HGF: variants seen among roughly 807,000 people sequenced by gnomAD.
HGF encodes the protein hepatocyte growth factor.
HGF carries 39 observed loss-of-function variants against 111.6 expected under a neutral mutation model. The ratio of observed to expected loss-of-function variants is 0.35; its 90% CI spans 0.27 to 0.46. The LOEUF is 0.46. Among genes scored for constraint, HGF ranks in the 20% least tolerant of loss-of-function variants. The pLI, the probability that HGF is intolerant of heterozygous loss-of-function variation, is 1.00. For synonymous variants in HGF, 285 were observed against 294.8 expected, an observed-to-expected ratio of 0.97 and a Z score of 0.34; for missense variants, 735 against 910.5, an observed-to-expected ratio of 0.81 and a Z score of 2.48.
chr7:81,756,905 A>G, intron 4 of HGF: 1 of 483,724 alleles, frequency 2.1e-6, no homozygotes, highest in East Asian at 3.9e-5. Flanking sequence ...CAAAGACAGG[A>G]AGAAGAATCC....
At chr7:81,754,853 C>T (rs1788682749) in intron 4 of HGF, among the ~76,000 whole-genome samples, 1 of 151,988 alleles carries the variant, frequency 6.6e-6, no homozygotes, top group South Asian at 2.1e-4. Flanking sequence ...TTTATGAGAA[C>T]CCATTACACA....
At chr7:81,749,375 T>A (rs1414169011) in intron 5 of HGF, among the ~76,000 whole-genome samples, 1 of 152,112 alleles carries the variant, frequency 6.6e-6, no homozygotes, top group Admixed American at 6.6e-5. Context: ...AGAAAATGGA[T>A]TTTGCATACC....
chr7:81,727,546 G>T (rs891754200), intron 8 of HGF, among the ~76,000 whole-genome samples: 3 of 149,426 alleles, frequency 2.0e-5, no homozygotes, highest in African/African-American at 7.5e-5. Flanking sequence ...TTATTAACTG[G>T]AATAGATGAG....
Position 81,752,218 on chromosome 7 carries a change from T to C in HGF, c.527A>G (p.Tyr176Cys), listed in dbSNP as rs2116122846. ...SYRGKDLQEN[Y>C]CRNPRGEEGG... ...TTCTTCCCCTCGAGGATTTCGACAG[T>C]AGTTTTCCTGTAGGTCTTTACCCCG... The change falls in exon 5 of 18, where the codon TAC becomes TGC. Residue 176 changes from tyrosine (Y) to cysteine (C), a missense_variant. Transcript: ENST00000222390. 6.2e-7 allele frequency: 1 copy of C among 1,613,464 alleles called. No individual in the cohort carries two copies. The highest frequency in any genetic ancestry group is 1.1e-5 in the South Asian group (1 of 91,072).
At chr7:81,729,576 A>C in intron 8 of HGF, 29 bp downstream of exon 8, 9 of 1,564,848 alleles carry the variant, frequency 5.8e-6, no homozygotes, top group Non-Finnish European at 7.9e-6. Context: ...GGCCTACTGA[A>C]ATGTATAACA....
intron 8 of HGF, among the ~76,000 whole-genome samples, chr7:81,728,218 T>C (rs1790070720): frequency 6.6e-6 from 1 of 152,240 alleles, no homozygotes; most frequent in Admixed American, 6.5e-5. Context: ...TGTTTCTTAA[T>C]ACTTATGTTT....
In HGF at chr7:81,702,900, G is replaced by A. The variant is rs1583910216; in HGVS notation, c.2011-143C>T. The A allele has an allele frequency of 3.2e-5, 23 of 717,574 alleles. No homozygotes were observed. In the East Asian group the frequency reaches 5.4e-4, roughly 17 times the overall value. The allele number at this position is 717,574 out of a possible 1,614,324, so 44.5% of individuals were successfully genotyped here. The stretch of plus-strand genomic sequence containing the variant: ...CTGAAATATGAAGATATAAAAATTA[G>A]TGTACTAGACATTTGTTGACTTTCT... On this transcript the variant is annotated intron_variant, in intron 17 of 17. Transcript: ENST00000222390.
chr7:81,709,527 T>C (rs1789517427), intron 13 of HGF, among the ~76,000 whole-genome samples: 1 of 152,168 alleles, frequency 6.6e-6, no homozygotes, highest in South Asian at 2.1e-4. Context: ...TCTCTAACAA[T>C]ATGATTTGCA....
At chr7:81,737,674 G>T (rs1440916886) in intron 7 of HGF, among the ~76,000 whole-genome samples, 1 of 152,006 alleles carries the variant, frequency 6.6e-6, no homozygotes, top group African/African-American at 2.4e-5. Context: ...TTTGTAAAAA[G>T]TTGACAATGC....
Position 81,702,274 on chromosome 7 carries a change from T to G in HGF, c.*307A>C, listed in dbSNP as rs993314088. The G allele has an allele frequency of 2.8e-5, 9 of 323,396 alleles. No individual in the cohort carries two copies. Among genetic ancestry groups the G allele is most frequent in the African/African-American group, 1.7e-4 (8 of 47,496 alleles). The allele number at this position is 323,396 out of a possible 1,614,324, so 20.0% of individuals were successfully genotyped here. A position where few individuals can be genotyped will look rare whatever the true frequency, so the allele number is the denominator to read the frequency against. ...AAGCAGCTTAGACAGATTAATTGAT[T>G]TTTTTTCCCATGAAATCTTTATCAT... On this transcript the variant is annotated 3_prime_UTR_variant, in exon 18 of 18. Coordinates refer to ENST00000222390, the MANE Select transcript of HGF (RefSeq NM_000601.6).
intron 9 of HGF, among the ~76,000 whole-genome samples, chr7:81,722,854 T>TATATATACAC (rs1789905983): frequency 6.9e-6 from 1 of 145,664 alleles, no homozygotes; most frequent in African/African-American, 2.6e-5. Flanking sequence ...GGTATATATA[T>TATATATACAC]ATATATATGT....
In HGF at chr7:81,758,801, A is replaced by T; in HGVS notation, c.258T>A (p.Ala86=). ...GTTTTCTTGCTTTATCAAAAACAAA[A>T]GCCCTGAAAAAAATATCAGAATGAA... ...RNKGLPFTCK[A]FVFDKARKQC... Residue 86 remains alanine, a synonymous_variant, in exon 3 of 18, where the codon GCT becomes GCA. Coordinates refer to ENST00000222390, the MANE Select transcript of HGF (RefSeq NM_000601.6). 1 of 1,599,976 alleles carries T rather than the reference A, an allele frequency of 6.3e-7. No homozygotes were observed. The highest frequency in any genetic ancestry group is 8.6e-7 in the Non-Finnish European group (1 of 1,167,634).
chr7:81,743,533 G>T, intron 6 of HGF, 62 bp from the exon 7 acceptor site: 1 of 1,029,852 alleles, frequency 9.7e-7, no homozygotes, highest in Non-Finnish European at 1.5e-6. Flanking sequence ...CCACCCCTCA[G>T]CTCACAAAAT....
chr7:81,712,746 C>G (rs1789605526), intron 11 of HGF, among the ~76,000 whole-genome samples: 1 of 152,164 alleles, frequency 6.6e-6, no homozygotes, highest in Non-Finnish European at 1.5e-5. Context: ...GCCCTGAGCT[C>G]AAATAAGCCA....
In HGF at chr7:81,762,859, T is replaced by C. The variant is rs1789166583; in HGVS notation, c.102A>G (p.Lys34=). The C allele has an allele frequency of 1.9e-6, 3 of 1,549,076 alleles. No individual in the cohort carries two copies. In the African/African-American group the frequency reaches 4.1e-5, roughly 21 times the overall value. ...TGAATTCATGAATTGTATTTCTTCT[T>C]TTCCTTTGTCCCTCTATTAAATACA... ...IAIPYAEGQR[K]RRNTIHEFKK... Residue 34 remains lysine, a synonymous_variant, in exon 2 of 18, where the codon AAA becomes AAG. Transcript: ENST00000222390.
At chr7:81,749,891 A>G (rs908044961) in intron 5 of HGF, among the ~76,000 whole-genome samples, 1 of 152,032 alleles carries the variant, frequency 6.6e-6, no homozygotes, top group Admixed American at 6.6e-5. Context: ...ACTGTTCTAT[A>G]TGTCTTTTTC....
chr7:81,707,466 G>A, intron 13 of HGF, 102 bp from the exon 14 acceptor site: 1 of 720,190 alleles, frequency 1.4e-6, no homozygotes, highest in Admixed American at 2.1e-5. Context: ...TAAATACACT[G>A]CAGAGGAAAA....
intron 9 of HGF, among the ~76,000 whole-genome samples, chr7:81,721,204 G>A (rs111681209): frequency 6.6e-6 from 1 of 152,006 alleles, no homozygotes; most frequent in Non-Finnish European, 1.5e-5. Context: ...CCGAGATGGC[G>A]CCACTGCACT....
At chr7:81,717,739 A>G (rs1789751555) in intron 10 of HGF, among the ~76,000 whole-genome samples, 1 of 152,168 alleles carries the variant, frequency 6.6e-6, no homozygotes, top group African/African-American at 2.4e-5. Flanking sequence ...CATAAAAAAT[A>G]CAAGCTATTA....
Sources: gnomAD v4.1 joint callset for allele counts (sites outside exome capture counted in the v4.1 genomes callset) on GRCh38, gnomAD v4.1.1 for gene constraint, MANE v1.5 for transcripts, NCBI Gene and HGNC (gene_info 2026-07-23, HGNC 2026-07-21) for gene names.